Variants in TADA2A observed in about 807,000 individuals in gnomAD.
TADA2A encodes transcriptional adapter 2-alpha.
In TADA2A, 38 loss-of-function variants were observed where a neutral mutation model predicts 67.4. The observed-to-expected ratio is 0.56, with a 90% confidence interval of 0.44 to 0.74. TADA2A has a LOEUF of 0.74. TADA2A is among the 30% of genes least tolerant of loss of function. The pLI is 0.00. For synonymous variants in TADA2A, 192 were observed against 181.6 expected (o/e 1.06, Z -0.46); for missense variants, 454 against 547.0 (o/e 0.83, Z 1.70).
intron 2 of TADA2A, among the ~76,000 whole-genome samples, chr17:37,419,014 AC>A (rs1018550281): frequency 2.1e-5 from 3 of 146,112 alleles, no homozygotes; most frequent in African/African-American, 7.4e-5. Flanking sequence ...TACAGGCATG[AC>A]CCACAGAGCC....
intron 9 of TADA2A, among the ~76,000 whole-genome samples, chr17:37,460,309 G>T (rs552815216): frequency 2.0e-5 from 3 of 151,954 alleles, no homozygotes; most frequent in African/African-American, 7.2e-5. Context: ...GTAATGGCGC[G>T]ATCTCAGCTC....
chr17:37,414,430 C>T (rs1179492789), intron 2 of TADA2A, among the ~76,000 whole-genome samples: 4 of 152,044 alleles, frequency 2.6e-5, no homozygotes, highest in African/African-American at 7.2e-5. Flanking sequence ...TGTACTCCCC[C>T]CGCCCTGGAA....
chr17:37,451,522 ATGTTGCCCAGGC>A (rs1258563710), intron 8 of TADA2A, among the ~76,000 whole-genome samples: 2 of 148,394 alleles, frequency 1.3e-5, no homozygotes, highest in Non-Finnish European at 3.0e-5. Context: ...GGGTTTCACT[ATGTTGCCCAGGC>A]TGGTCTCGAA....
chr17:37,439,076 C>T (rs891239625), intron 5 of TADA2A, among the ~76,000 whole-genome samples: 1 of 152,108 alleles, frequency 6.6e-6, no homozygotes, highest in Non-Finnish European at 1.5e-5. Flanking sequence ...GGACTTCCAC[C>T]TGTACCTCTC....
chr17:37,450,026 A>T (rs1025438097), intron 8 of TADA2A, among the ~76,000 whole-genome samples: 8 of 152,214 alleles, frequency 5.3e-5, no homozygotes, highest in Admixed American at 2.6e-4. Context: ...CTGGAAGAAG[A>T]AGTGTCCTGG....
At chr17:37,439,949 T>TA (rs2052860651) in intron 5 of TADA2A, among the ~76,000 whole-genome samples, 4 of 103,432 alleles carry the variant, frequency 3.9e-5, no homozygotes, top group Admixed American at 8.7e-5. Flanking sequence ...TTTATTATTT[T>TA]TTTTTTTTTT....
At chr17:37,465,396 TC>T in intron 10 of TADA2A, 34 bp from the exon 11 acceptor site, 1 of 1,521,010 alleles carries the variant, frequency 6.6e-7, no homozygotes, top group Non-Finnish European at 9.0e-7. Context: ...TCCTTACATT[TC>T]CCATGACACA....
chr17:37,474,611 G>T lies in TADA2A; in HGVS notation c.1128G>T (p.Leu376=). 6.2e-7 allele frequency: 1 copy of T among 1,612,718 alleles called. No individual in the cohort carries two copies. The highest frequency in any genetic ancestry group is 8.5e-7 in the Non-Finnish European group (1 of 1,179,328). ...CTGGCCTCCCTGGCACAGAGAAGCT[G>T]AATGAAAAAGAAAAGGAGGTAACAA... ...NLTGLPGTEK[L]NEKEKELCQM... Residue 376 remains leucine (L), a synonymous_variant, in exon 15 of 16, where the codon CTG becomes CTT. Transcript: ENST00000615182.
rs2053912507 is a variant in TADA2A, at chr17:37,477,462, CA to C, written c.*482del. On this transcript the variant is annotated 3_prime_UTR_variant, in exon 16 of 16. Transcript: ENST00000615182. ...CTCGTTGAAGGATTTTTTAAGCTGA[CA>C]ACTTTTTTTTTTTTTTTTTGAGACA... 1 of 148,814 alleles carries C rather than the reference CA, an allele frequency of 6.7e-6. No homozygotes were observed. The highest frequency in any genetic ancestry group is 2.4e-5 in the African/African-American group (1 of 40,908). The allele number at this position is 148,814 out of a possible 1,614,324, so 9.2% of individuals were successfully genotyped here. A position where few individuals can be genotyped will look rare whatever the true frequency, so the allele number is the denominator to read the frequency against.
At chr17:37,438,492 G>A (rs906778352) in intron 5 of TADA2A, among the ~76,000 whole-genome samples, 2 of 152,088 alleles carry the variant, frequency 1.3e-5, no homozygotes, top group African/African-American at 4.8e-5. Flanking sequence ...ATGATTTCTT[G>A]TGATTACATA....
chr17:37,467,420 T>C (rs1196321080), intron 11 of TADA2A, 34 bp from the exon 12 acceptor site: 1 of 1,593,988 alleles, frequency 6.3e-7, no homozygotes, highest in Admixed American at 1.7e-5. Flanking sequence ...TTTGTTTTTG[T>C]AATTTTTTCC....
At chr17:37,466,685 C>T (rs1409643035) in intron 11 of TADA2A, among the ~76,000 whole-genome samples, 1 of 152,120 alleles carries the variant, frequency 6.6e-6, no homozygotes, top group East Asian at 1.9e-4. Flanking sequence ...GTGACTGATC[C>T]TTTACTTCCT....
chr17:37,427,983 A>G (rs2052458117), intron 4 of TADA2A, among the ~76,000 whole-genome samples: 1 of 150,046 alleles, frequency 6.7e-6, no homozygotes, highest in Non-Finnish European at 1.5e-5. Context: ...CTCCATCTCA[A>G]AAAAAAAAAG....
At chr17:37,424,479 C>G (rs946991327) in intron 3 of TADA2A, among the ~76,000 whole-genome samples, 5 of 150,932 alleles carry the variant, frequency 3.3e-5, no homozygotes, top group Non-Finnish European at 4.4e-5. Context: ...TCGCAGATTG[C>G]ACTCCAGCCT....
At chr17:37,464,156 G>A (rs1365103814) in intron 10 of TADA2A, among the ~76,000 whole-genome samples, 1 of 152,108 alleles carries the variant, frequency 6.6e-6, no homozygotes, top group Non-Finnish European at 1.5e-5. Flanking sequence ...TACATCTTTG[G>A]ATTAGTTGTT....
chr17:37,419,768 G>A (rs2052171503), intron 2 of TADA2A, among the ~76,000 whole-genome samples: 1 of 103,650 alleles, frequency 9.6e-6, no homozygotes. Flanking sequence ...ACCAGAGTGA[G>A]ACACTGTCTC....
chr17:37,442,953 A>C (rs952382472), intron 7 of TADA2A, among the ~76,000 whole-genome samples: 1 of 152,126 alleles, frequency 6.6e-6, no homozygotes, highest in African/African-American at 2.4e-5. Context: ...GCTTGAGTCC[A>C]GGTGTTCGAG....
At chr17:37,469,983 A>G (rs996749564) in intron 12 of TADA2A, among the ~76,000 whole-genome samples, 1 of 152,114 alleles carries the variant, frequency 6.6e-6, no homozygotes, top group Non-Finnish European at 1.5e-5. Flanking sequence ...CTTTTTTTGT[A>G]ATTCTAATTG....
intron 4 of TADA2A, among the ~76,000 whole-genome samples, chr17:37,429,271 A>G (rs1019140491): frequency 6.6e-6 from 1 of 151,966 alleles, no homozygotes; most frequent in Non-Finnish European, 1.5e-5. Context: ...CATGTGGATT[A>G]CATTGGGCCT....
Sources: gnomAD v4.1 joint callset for allele counts (sites outside exome capture counted in the v4.1 genomes callset) on GRCh38, gnomAD v4.1.1 for gene constraint, MANE v1.5 for transcripts, NCBI Gene and HGNC (gene_info 2026-07-23, HGNC 2026-07-21) for gene names.